Variants in NEXMIF observed in about 807,000 individuals in gnomAD.
NEXMIF encodes the protein neurite extension and migration factor.
In NEXMIF, 8 loss-of-function variants were observed where a neutral mutation model predicts 62.1. The observed-to-expected ratio is 0.13, with a 90% CI of 0.08 to 0.23. NEXMIF has a LOEUF of 0.23. Ranked by LOEUF, NEXMIF falls within the 10% of genes least tolerant of loss-of-function variation. The pLI, the probability that NEXMIF is intolerant of heterozygous loss-of-function variation, is 1.00. For synonymous variants in NEXMIF, 404 were observed against 416.6 expected (o/e 0.97, Z 0.37); for missense variants, 976 against 1,113.3 (o/e 0.88, Z 1.75).
chrX:74,913,108 A>G (rs929153283), intron 1 of NEXMIF, among the ~76,000 whole-genome samples: 1 of 112,610 alleles, frequency 8.9e-6, no homozygotes, highest in African/African-American at 3.2e-5. Flanking sequence ...GAAAAAAGGC[A>G]ATTGATAGGT....
At chrX:74,896,089 G>C (rs1214283314) in intron 1 of NEXMIF, among the ~76,000 whole-genome samples, 3 of 110,926 alleles carry the variant, frequency 2.7e-5, no homozygotes, top group Non-Finnish European at 5.7e-5. Flanking sequence ...ATGCTTCCTA[G>C]GTTCTTCTGT....
chrX:74,902,474 G>A (rs1012582478), intron 1 of NEXMIF, among the ~76,000 whole-genome samples: 2 of 110,432 alleles, frequency 1.8e-5, no homozygotes, highest in Non-Finnish European at 3.8e-5. Context: ...TTCAAAGTTG[G>A]GTCTTACAAA....
At chrX:74,803,039 A>G (rs746138604) in intron 1 of NEXMIF, among the ~76,000 whole-genome samples, 1 of 110,861 alleles carries the variant, frequency 9.0e-6, no homozygotes, top group South Asian at 3.8e-4. Context: ...AAAAAGAATG[A>G]AAAACAATTA....
chrX:74,743,711 A>G lies in NEXMIF; in HGVS notation c.846T>C (p.Ser282=). ...CATCTTCTTCAGAGAATAGGTTGAC[A>G]GACAGCTCATTTTTGGAACAGAGGT... is the stretch of plus-strand genomic sequence containing the variant. ...LLDLCSKNEL[S]VNLFSEEDVD... The change falls in exon 3 of 4, where the codon TCT becomes TCC. Residue 282 remains serine (S), a synonymous_variant. Coordinates refer to ENST00000055682, the MANE Select transcript of NEXMIF (RefSeq NM_001008537.3). The G allele has an allele frequency of 8.3e-7, 1 of 1,212,029 alleles. No homozygotes were observed. The highest frequency in any genetic ancestry group is 1.1e-6 in the Non-Finnish European group (1 of 895,509).
chrX:74,876,335 A>C (rs1432431872), intron 1 of NEXMIF, among the ~76,000 whole-genome samples: 1 of 111,319 alleles, frequency 9.0e-6, no homozygotes, highest in Non-Finnish European at 1.9e-5. Context: ...TTCTAGTTTG[A>C]TTGCACTGTG....
intron 1 of NEXMIF, among the ~76,000 whole-genome samples, chrX:74,885,135 A>G (rs1347122569): frequency 9.0e-6 from 1 of 110,835 alleles, no homozygotes; most frequent in African/African-American, 3.3e-5. Context: ...TCTCTGGGAC[A>G]CATTCAAAGC....
intron 1 of NEXMIF, among the ~76,000 whole-genome samples, chrX:74,796,173 ATATATATACATATATAT>A (rs1569345134): frequency 4.1e-4 from 30 of 72,802 alleles, no homozygotes; most frequent in Non-Finnish European, 3.6e-4. Context: ...TATATATATT[ATATATATACATATATAT>A]TATATATATA....
intron 1 of NEXMIF, among the ~76,000 whole-genome samples, chrX:74,924,337 C>T (rs1263763088): frequency 8.9e-6 from 1 of 112,483 alleles, no homozygotes; most frequent in African/African-American, 3.2e-5. Flanking sequence ...TCGGTCTGGC[C>T]TCCAACTTAA....
At chrX:74,914,517 CA>C (rs1484040225) in intron 1 of NEXMIF, among the ~76,000 whole-genome samples, 1 of 110,954 alleles carries the variant, frequency 9.0e-6, no homozygotes, top group South Asian at 3.9e-4. Context: ...ACTAAAAATA[CA>C]AAAATTAGAA....
intron 1 of NEXMIF, among the ~76,000 whole-genome samples, chrX:74,921,754 A>C (rs2080827888): frequency 9.0e-6 from 1 of 110,642 alleles, no homozygotes; most frequent in African/African-American, 3.3e-5. Context: ...CAAACCAAAA[A>C]TCTCTTAAGA....
At chrX:74,836,019 T>C (rs1262439655) in intron 1 of NEXMIF, among the ~76,000 whole-genome samples, 8 of 112,870 alleles carry the variant, frequency 7.1e-5, no homozygotes, top group African/African-American at 2.3e-4. Context: ...TCTTTCTTCT[T>C]CTTTCCACAG....
intron 1 of NEXMIF, among the ~76,000 whole-genome samples, chrX:74,748,466 A>C (rs1369477088): frequency 6.3e-5 from 7 of 111,971 alleles, no homozygotes; most frequent in Non-Finnish European, 1.3e-4. Context: ...AATACAAACA[A>C]CTCTGGGCTT....
intron 1 of NEXMIF, among the ~76,000 whole-genome samples, chrX:74,884,488 T>C (rs1340875914): frequency 1.8e-5 from 2 of 110,974 alleles, no homozygotes; most frequent in Non-Finnish European, 3.8e-5. Flanking sequence ...AAGGCAGGGG[T>C]TGCAATCCTA....
At chrX:74,906,110 A>AT (rs780838891) in intron 1 of NEXMIF, among the ~76,000 whole-genome samples, 2,567 of 106,587 alleles carry the variant, frequency 0.024, 34 homozygotes, top group Non-Finnish European at 0.041. Flanking sequence ...TCTCTACACA[A>AT]TTTTTTTTTT....
intron 1 of NEXMIF, among the ~76,000 whole-genome samples, chrX:74,777,861 C>T (rs1053911833): frequency 9.0e-6 from 1 of 111,264 alleles, no homozygotes; most frequent in Non-Finnish European, 1.9e-5. Flanking sequence ...TAAGCAGAAA[C>T]CAGCTCCCAA....
intron 1 of NEXMIF, among the ~76,000 whole-genome samples, chrX:74,886,106 T>G (rs1193281838): frequency 8.9e-6 from 1 of 112,098 alleles, no homozygotes; most frequent in Non-Finnish European, 1.9e-5. Flanking sequence ...CAGCCTTTCA[T>G]GCTAAAAACT....
chrX:74,886,139 G>C (rs2080691928), intron 1 of NEXMIF, among the ~76,000 whole-genome samples: 1 of 111,466 alleles, frequency 9.0e-6, no homozygotes, highest in Non-Finnish European at 1.9e-5. Context: ...GGTATTGATG[G>C]GACGTATCTC....
At chrX:74,878,692 T>C (rs1240451049) in intron 1 of NEXMIF, among the ~76,000 whole-genome samples, 2 of 112,831 alleles carry the variant, frequency 1.8e-5, no homozygotes, top group African/African-American at 6.4e-5. Context: ...AATCTCCTGA[T>C]GCGCCGTTTT....
intron 1 of NEXMIF, among the ~76,000 whole-genome samples, chrX:74,859,157 GAGA>G (rs1569356515): frequency 9.0e-6 from 1 of 111,069 alleles, no homozygotes; most frequent in Admixed American, 9.6e-5. Context: ...ATCCAAGTAC[GAGA>G]AGGTTATAGA....
Sources: allele counts gnomAD v4.1 joint callset (sites outside exome capture counted in the v4.1 genomes callset), GRCh38; gene constraint gnomAD v4.1.1; transcripts MANE v1.5; gene names NCBI Gene and HGNC (gene_info 2026-07-23, HGNC 2026-07-21).